Variants in ANO10 observed in about 807,000 individuals in gnomAD.
ANO10 encodes the protein anoctamin-10.
In ANO10, 77 loss-of-function variants were observed where a neutral mutation model predicts 74.7. The observed-to-expected ratio is 1.03, with a 90% CI of 0.86 to 1.25. ANO10 has a LOEUF of 1.25. Ranked by LOEUF, ANO10 falls within the 50% of genes most tolerant of loss-of-function variation. The pLI, the probability that ANO10 is intolerant of heterozygous loss-of-function variation, is 0.00. For synonymous variants in ANO10, 279 were observed against 284.9 expected (o/e 0.98, Z 0.21); for missense variants, 721 against 778.1 (o/e 0.93, Z 0.87).
At chr3:43,688,103 G>C (rs2084297549) in intron 1 of ANO10, among the ~76,000 whole-genome samples, 1 of 152,178 alleles carries the variant, frequency 6.6e-6, no homozygotes, top group African/African-American at 2.4e-5. Flanking sequence ...CCTATGCACT[G>C]CTTGTCAGTT....
intron 12 of ANO10, among the ~76,000 whole-genome samples, chr3:43,420,611 T>C (rs2092806118): frequency 6.6e-6 from 1 of 152,196 alleles, no homozygotes; most frequent in African/African-American, 2.4e-5. Context: ...AACAAAGTTT[T>C]TTTTTAAGTG....
chr3:43,598,757 A>C (rs954950842), intron 3 of ANO10, 91 bp from the exon 4 acceptor site: 1 of 1,025,102 alleles, frequency 9.8e-7, no homozygotes, highest in African/African-American at 1.6e-5. Flanking sequence ...GGTATAAACA[A>C]TAAGCAATTA....
intron 12 of ANO10, among the ~76,000 whole-genome samples, chr3:43,376,806 T>G (rs1009213048): frequency 6.6e-6 from 1 of 152,238 alleles, no homozygotes; most frequent in Non-Finnish European, 1.5e-5. Context: ...TGTAACTAGA[T>G]CTACAGGTGT....
chr3:43,422,292 T>C (rs893586993), intron 12 of ANO10, among the ~76,000 whole-genome samples: 1 of 152,118 alleles, frequency 6.6e-6, no homozygotes, highest in Non-Finnish European at 1.5e-5. Flanking sequence ...AATTTTTGTA[T>C]TTTCAGTAGA....
chr3:43,500,997 A>G (rs1229419580), intron 11 of ANO10, among the ~76,000 whole-genome samples: 2 of 152,246 alleles, frequency 1.3e-5, no homozygotes, highest in Non-Finnish European at 2.9e-5. Flanking sequence ...CAAATCTCTC[A>G]GTGAAGAAAT....
At position 43,371,864 on chromosome 3, in the gene ANO10, T is replaced by C. The variant is rs76272957; in HGVS notation, c.1915-4890A>G. 1.8e-3 allele frequency among the ~76,000 whole-genome samples: 278 copies of C among 152,324 alleles called. 1 individual carries two copies. The highest frequency in any genetic ancestry group is 7.1e-3 in the East Asian group (37 of 5,186). ...CCTATTTTCACAGACTTTTTATTTGTTATCTCTATTGAAAAGTTTACCTCA... is the reference window on the plus strand; with the variant it reads ...CCTATTTTCACAGACTTTTTATTTGCTATCTCTATTGAAAAGTTTACCTCA... On this transcript the variant is annotated intron_variant, in intron 12 of 12. Coordinates refer to ENST00000292246, the MANE Select transcript of ANO10 (RefSeq NM_018075.5).
Position 43,635,256 on chromosome 3 carries a change from A to G in ANO10, c.-11-29393T>C, listed in dbSNP as rs903529845. 7.9e-5 allele frequency among the ~76,000 whole-genome samples: 12 copies of G among 152,330 alleles called. 1 individual carries two copies. The highest frequency in any genetic ancestry group is 7.7e-4 in the East Asian group (4 of 5,188). On this transcript the variant is annotated intron_variant, in intron 1 of 3. Coordinates refer to the ANO10 transcript ENST00000413397. Reference sequence around the variant, plus strand: ...CTCATAGCCGGAATCCATCTCTTCAAGCACAGACTGCAAAACATTCAGAGC... The same window carrying G: ...CTCATAGCCGGAATCCATCTCTTCAGGCACAGACTGCAAAACATTCAGAGC...
At chr3:43,521,809 T>C (rs557169761) in intron 11 of ANO10, among the ~76,000 whole-genome samples, 8 of 152,298 alleles carry the variant, frequency 5.3e-5, no homozygotes, top group East Asian at 1.9e-4. Context: ...CTCACAAGAA[T>C]TGAAAGCAGG....
At chr3:43,383,176 G>T (rs145821552) in intron 12 of ANO10, among the ~76,000 whole-genome samples, 1 of 152,062 alleles carries the variant, frequency 6.6e-6, no homozygotes, top group Admixed American at 6.5e-5. Context: ...ATCCATGGCC[G>T]GGTGCGGTGG....
At chr3:43,587,076 T>G (rs1486284913) in intron 4 of ANO10, among the ~76,000 whole-genome samples, 1 of 152,166 alleles carries the variant, frequency 6.6e-6, no homozygotes, top group Admixed American at 6.5e-5. Flanking sequence ...ATCCTTACCC[T>G]GTATACTGAA....
chr3:43,613,899 G>A (rs1247536152), intron 1 of ANO10, among the ~76,000 whole-genome samples: 1 of 152,118 alleles, frequency 6.6e-6, no homozygotes, highest in Non-Finnish European at 1.5e-5. Flanking sequence ...TCTAACACAT[G>A]GGCTAAGTAC....
intron 4 of ANO10, among the ~76,000 whole-genome samples, chr3:43,594,737 G>C (rs1281257416): frequency 6.6e-6 from 1 of 151,890 alleles, no homozygotes; most frequent in African/African-American, 2.4e-5. Context: ...GCAAAAGCTA[G>C]CAGAAGGCAA....
intron 1 of ANO10, chr3:43,690,895 C>G: frequency 7.5e-7 from 1 of 1,332,534 alleles, no homozygotes; most frequent in Non-Finnish European, 9.9e-7. Flanking sequence ...CATGCGCTGG[C>G]GGCCTGCGCC....
At chr3:43,542,933 C>T (rs2079019515) in intron 11 of ANO10, among the ~76,000 whole-genome samples, 1 of 152,146 alleles carries the variant, frequency 6.6e-6, no homozygotes, top group African/African-American at 2.4e-5. Context: ...AGCACCTGCT[C>T]AATACCAGAC....
intron 12 of ANO10, among the ~76,000 whole-genome samples, chr3:43,368,843 G>A (rs374333264): frequency 2.8e-3 from 429 of 152,148 alleles, no homozygotes; most frequent in Middle Eastern, 0.01. Flanking sequence ...CACTGTGTGC[G>A]GTAAATTTAA....
At chr3:43,595,315 G>C (rs2082021010) in intron 4 of ANO10, among the ~76,000 whole-genome samples, 1 of 152,112 alleles carries the variant, frequency 6.6e-6, no homozygotes. Flanking sequence ...AACAAAAAAA[G>C]AGAATTTTAG....
intron 12 of ANO10, among the ~76,000 whole-genome samples, chr3:43,400,467 T>C (rs2092460766): frequency 6.6e-6 from 1 of 151,974 alleles, no homozygotes; most frequent in Non-Finnish European, 1.5e-5. Context: ...AACTGTGAAA[T>C]ACTGTGTCTT....
intron 12 of ANO10, among the ~76,000 whole-genome samples, chr3:43,411,490 A>G (rs2092664616): frequency 6.6e-6 from 1 of 152,226 alleles, no homozygotes; most frequent in Non-Finnish European, 1.5e-5. Flanking sequence ...GCCCAAGAGA[A>G]TATTAGGAGA....
intron 11 of ANO10, among the ~76,000 whole-genome samples, chr3:43,436,803 T>C (rs56029819): frequency 0.17 from 26,528 of 152,174 alleles, 2,715 homozygotes; most frequent in African/African-American, 0.28. Flanking sequence ...AGAAAACTTA[T>C]GATATGATCC....
Sources: gnomAD v4.1 joint callset for allele counts (sites outside exome capture counted in the v4.1 genomes callset) on GRCh38, gnomAD v4.1.1 for gene constraint, MANE v1.5 for transcripts, NCBI Gene and HGNC (gene_info 2026-07-23, HGNC 2026-07-21) for gene names.